The following ITGB6 variants were observed in gnomAD, a reference collection of about 807,000 sequenced individuals.
ITGB6 encodes integrin beta-6.
In ITGB6, 80 loss-of-function variants were observed where a neutral mutation model predicts 84.5. That is an observed-to-expected ratio of 0.95 (90% CI 0.79 to 1.14). The LOEUF is 1.14. Ranked by LOEUF, ITGB6 falls within the 50% of genes most tolerant of loss-of-function variation. ITGB6 has a pLI of 0.00. For synonymous variants in ITGB6, 383 were observed against 354.9 expected, an observed-to-expected ratio of 1.08 and a Z score of -0.89; for missense variants, 1,006 against 968.0, an observed-to-expected ratio of 1.04 and a Z score of -0.52.
intron 4 of ITGB6, among the ~76,000 whole-genome samples, chr2:160,176,995 G>A (rs1180975377): frequency 1.3e-5 from 2 of 151,998 alleles, no homozygotes; most frequent in Admixed American, 6.6e-5. Context: ...TTTTGATTGT[G>A]AATTGCTGGG....
chr2:160,116,012 T>A lies in ITGB6; in HGVS notation c.1982-3813A>T, dbSNP rs532391825. The stretch of plus-strand genomic sequence containing the variant: ...AGCCTCCAAGAAATATGGGACTATG[T>A]GAAAAGACCAAATCTACTTCTGATT... On this transcript the variant is annotated intron_variant, in intron 12 of 14. Transcript: ENST00000283249. Among the ~76,000 whole-genome samples, 132 of 145,704 alleles carry A rather than the reference T, an allele frequency of 9.1e-4. 1 individual carries two copies. The highest frequency in any genetic ancestry group is 3.2e-3 in the African/African-American group (127 of 39,096).
chr2:160,196,188 T>C, intron 3 of ITGB6, 28 bp downstream of exon 3: 1 of 1,581,784 alleles, frequency 6.3e-7, no homozygotes, highest in Non-Finnish European at 8.7e-7. Context: ...ACATTAGATC[T>C]ATTTACATGA....
At chr2:160,136,026 A>G (rs1470879168) in intron 10 of ITGB6, among the ~76,000 whole-genome samples, 2 of 152,242 alleles carry the variant, frequency 1.3e-5, no homozygotes, top group Non-Finnish European at 2.9e-5. Context: ...ACCAAAAGCA[A>G]TGGCAACAAA....
At chr2:160,157,609 T>C (rs1271489447) in intron 7 of ITGB6, among the ~76,000 whole-genome samples, 3 of 152,106 alleles carry the variant, frequency 2.0e-5, no homozygotes, top group Non-Finnish European at 2.9e-5. Flanking sequence ...AGAACACTTA[T>C]TATAAGGATT....
At chr2:160,152,399 C>A (rs1385090044) in intron 7 of ITGB6, among the ~76,000 whole-genome samples, 1 of 152,084 alleles carries the variant, frequency 6.6e-6, no homozygotes, top group South Asian at 2.1e-4. Flanking sequence ...AATTCAACAC[C>A]CTTCATGCTA....
intron 12 of ITGB6, among the ~76,000 whole-genome samples, chr2:160,114,104 G>A (rs982615295): frequency 2.0e-4 from 30 of 152,264 alleles, no homozygotes; most frequent in Middle Eastern, 3.4e-3. Context: ...CTGAAGCCTA[G>A]AGAGGCTTAC....
intron 7 of ITGB6, among the ~76,000 whole-genome samples, chr2:160,162,610 G>A (rs550733844): frequency 6.6e-6 from 1 of 152,172 alleles, no homozygotes; most frequent in South Asian, 2.1e-4. Context: ...AAGTATGTGG[G>A]TGTTTATTTA....
At chr2:160,138,907 C>T (rs1683879511) in intron 8 of ITGB6, among the ~76,000 whole-genome samples, 1 of 152,160 alleles carries the variant, frequency 6.6e-6, no homozygotes, top group South Asian at 2.1e-4. Flanking sequence ...AGTACAATCA[C>T]AATAGTCCAT....
intron 10 of ITGB6, among the ~76,000 whole-genome samples, chr2:160,132,511 G>A (rs13394776): frequency 0.78 from 119,292 of 152,038 alleles, 47,816 homozygotes; most frequent in African/African-American, 0.95. Flanking sequence ...TGTTCCTAAC[G>A]CTGTCTTTTA....
intron 6 of ITGB6, among the ~76,000 whole-genome samples, chr2:160,170,865 G>C (rs1039133669): frequency 6.6e-6 from 1 of 152,146 alleles, no homozygotes; most frequent in African/African-American, 2.4e-5. Flanking sequence ...AACCTGCCTC[G>C]TTCAAAATGG....
At chr2:160,133,998 A>G (rs185983849) in intron 10 of ITGB6, among the ~76,000 whole-genome samples, 3 of 152,326 alleles carry the variant, frequency 2.0e-5, no homozygotes, top group African/African-American at 2.4e-5. Flanking sequence ...TAAAAGAACT[A>G]GAGAAGCATG....
chr2:160,186,298 C>T (rs945184908), intron 4 of ITGB6, among the ~76,000 whole-genome samples: 17 of 148,378 alleles, frequency 1.1e-4, no homozygotes, highest in Admixed American at 2.0e-4. Flanking sequence ...ATCAAAAAGT[C>T]GGCAAAGGAT....
intron 11 of ITGB6, among the ~76,000 whole-genome samples, chr2:160,125,780 G>A (rs1000975393): frequency 6.7e-6 from 1 of 148,758 alleles, no homozygotes; most frequent in African/African-American, 2.5e-5. Context: ...AAATTGTGAG[G>A]TTTCATTGTT....
At chr2:160,160,187 C>T (rs922889902) in intron 7 of ITGB6, among the ~76,000 whole-genome samples, 5 of 152,154 alleles carry the variant, frequency 3.3e-5, no homozygotes, top group Non-Finnish European at 5.9e-5. Context: ...GGCCACAATG[C>T]CTAACTTACT....
intron 4 of ITGB6, among the ~76,000 whole-genome samples, chr2:160,182,830 C>A (rs1032911026): frequency 6.6e-6 from 1 of 152,100 alleles, no homozygotes; most frequent in Admixed American, 6.6e-5. Flanking sequence ...AGAGTAGGGG[C>A]CAATATTCAA....
intron 14 of ITGB6, among the ~76,000 whole-genome samples, chr2:160,105,205 A>T (rs2105770262): frequency 6.6e-6 from 1 of 152,342 alleles, no homozygotes; most frequent in Non-Finnish European, 1.5e-5. Context: ...TATTCAAAGA[A>T]ACTCAATTTA....
At chr2:160,160,198 A>G (rs951347196) in intron 7 of ITGB6, among the ~76,000 whole-genome samples, 10 of 152,206 alleles carry the variant, frequency 6.6e-5, no homozygotes, top group Non-Finnish European at 1.2e-4. Flanking sequence ...CTAACTTACT[A>G]TTTGACCCTT....
intron 7 of ITGB6, among the ~76,000 whole-genome samples, chr2:160,148,641 G>A (rs1162448823): frequency 2.0e-5 from 3 of 152,190 alleles, no homozygotes; most frequent in African/African-American, 7.2e-5. Flanking sequence ...GAAGCAGGGC[G>A]GGGCATTGCC....
chr2:160,159,836 T>TTTCCATTTC (rs11283607), intron 7 of ITGB6, among the ~76,000 whole-genome samples: 1,622 of 152,292 alleles, frequency 0.011, 31 homozygotes, highest in African/African-American at 0.037. Flanking sequence ...ACACTATTCT[T>TTTCCATTTC]TTCCATTTCT....
Sources: gnomAD v4.1 joint callset for allele counts (sites outside exome capture counted in the v4.1 genomes callset) on GRCh38, gnomAD v4.1.1 for gene constraint, MANE v1.5 for transcripts, NCBI Gene and HGNC (gene_info 2026-07-23, HGNC 2026-07-21) for gene names.